Variants in CSMD2 observed in about 807,000 individuals in gnomAD.
CSMD2 encodes CUB and Sushi multiple domains 2, also known as CUB and sushi domain-containing protein 2.
In CSMD2, 130 loss-of-function variants were observed where a neutral mutation model predicts 398.5. The ratio of observed to expected loss-of-function variants is 0.33; its 90% CI spans 0.28 to 0.38. The LOEUF is 0.38. CSMD2 is among the 10% of genes least tolerant of loss of function. CSMD2 has a pLI of 1.00. For missense variants in CSMD2, 3,829 were observed against 4,764.9 expected, an observed-to-expected ratio of 0.80 and a Z score of 5.78; for synonymous variants, 1,828 against 1,908.5, an observed-to-expected ratio of 0.96 and a Z score of 1.10.
intron 44 of CSMD2, chr1:33,591,793 T>A (rs1320828112): frequency 1.4e-5 from 2 of 146,954 alleles, no homozygotes; most frequent in Non-Finnish European, 3.0e-5. Context: ...CCCAGCTAAT[T>A]TTTTTTTTTT....
At chr1:34,019,999 C>T (rs1648659222) in intron 3 of CSMD2, among the ~76,000 whole-genome samples, 1 of 152,178 alleles carries the variant, frequency 6.6e-6, no homozygotes, top group South Asian at 2.1e-4. Context: ...TAATGCAAAA[C>T]AACACAAAGC....
chr1:33,551,423 A>C (rs1657433799), intron 55 of CSMD2, among the ~76,000 whole-genome samples: 1 of 152,232 alleles, frequency 6.6e-6, no homozygotes. Flanking sequence ...GAGCTGTTGC[A>C]GTAGTTCAAG....
At position 33,724,252 on chromosome 1, in the gene CSMD2, G is replaced by A. The variant is rs993379888; in HGVS notation, c.2946C>T (p.Asp982=). Residue 982 remains aspartate (D), a synonymous_variant, in exon 19 of 71, where the codon GAC becomes GAT. Coordinates refer to ENST00000373381, the MANE Select transcript of CSMD2 (RefSeq NM_001281956.2). ...SGTILSPGFP[D]FYPNNLNCTW... is the part of the protein sequence containing the mutation. Reference sequence around the variant, plus strand: ...TGCAGTTCAAGTTGTTGGGGTAGAAGTCAGGGAACCCTGGCGACAAGATGG... The same window carrying A: ...TGCAGTTCAAGTTGTTGGGGTAGAAATCAGGGAACCCTGGCGACAAGATGG... The A allele has an allele frequency of 6.2e-7, 1 of 1,614,106 alleles. No homozygotes were observed. The highest frequency in any genetic ancestry group is 1.7e-5 in the Admixed American group (1 of 60,024).
intron 1 of CSMD2, among the ~76,000 whole-genome samples, chr1:34,105,660 T>A (rs1047047657): frequency 6.6e-6 from 1 of 152,130 alleles, no homozygotes; most frequent in Non-Finnish European, 1.5e-5. Flanking sequence ...GCAAAGGAAA[T>A]CAGCTAGATT....
intron 23 of CSMD2, among the ~76,000 whole-genome samples, chr1:33,700,294 A>G (rs983008687): frequency 3.3e-5 from 5 of 152,222 alleles, no homozygotes; most frequent in Non-Finnish European, 7.3e-5. Context: ...GGCATGAACC[A>G]CTGTGCCCGG....
chr1:33,597,815 T>A (rs1165120118), intron 44 of CSMD2, among the ~76,000 whole-genome samples: 1 of 152,216 alleles, frequency 6.6e-6, no homozygotes, highest in Admixed American at 6.5e-5. Context: ...TCTTATTGCT[T>A]GAAATGAAAC....
At position 33,636,665 on chromosome 1, in the gene CSMD2, C is replaced by G; in HGVS notation, c.4775-111G>C. 8.7e-6 allele frequency: 7 copies of G among 800,014 alleles called. No homozygotes were observed. In the South Asian group the frequency reaches 1.2e-4, roughly 14 times the overall value. 49.6% of individuals were successfully genotyped at this position (800,014 alleles called of 1,614,324 possible). On this transcript the variant is annotated intron_variant, in intron 29 of 70. Transcript: ENST00000373381. This position sits in a 1 kb window ranked among gnomAD's most constrained non-coding sequence, Gnocchi z 4.8. ...CCCGACTTTAATTAGCCACAGAGCACACGGGGATGCGTGACTGTGGCTCCT... is the reference window on the plus strand; with the variant it reads ...CCCGACTTTAATTAGCCACAGAGCAGACGGGGATGCGTGACTGTGGCTCCT...
intron 25 of CSMD2, among the ~76,000 whole-genome samples, chr1:33,672,685 C>T (rs564716172): frequency 7.9e-5 from 12 of 152,318 alleles, no homozygotes; most frequent in African/African-American, 2.2e-4. Flanking sequence ...CCCTGACCCC[C>T]GAGTAGCCTA....
intron 1 of CSMD2, among the ~76,000 whole-genome samples, chr1:34,148,784 T>C (rs1181594928): frequency 2.0e-5 from 3 of 152,220 alleles, no homozygotes; most frequent in African/African-American, 7.2e-5. Flanking sequence ...GTCGGCCTTA[T>C]TCTAAAGTCT....
chr1:33,855,207 A>G (rs1348131800), intron 5 of CSMD2, among the ~76,000 whole-genome samples: 1 of 152,192 alleles, frequency 6.6e-6, no homozygotes, highest in Non-Finnish European at 1.5e-5. Flanking sequence ...TATGAAGACC[A>G]GAAGCCTTTG....
At chr1:33,672,114 TGGGGA>T (rs1284402991) in intron 25 of CSMD2, among the ~76,000 whole-genome samples, 4 of 151,880 alleles carry the variant, frequency 2.6e-5, no homozygotes, top group African/African-American at 7.3e-5. Context: ...TTCATCTCAC[TGGGGA>T]GTGCCGGACA....
Position 33,832,162 on chromosome 1 carries a change from C to G in CSMD2, c.1034-6388G>C, listed in dbSNP as rs1015726865. 4.4e-5 allele frequency among the ~76,000 whole-genome samples: 6 copies of G among 136,062 alleles called. 1 individual carries two copies. Among genetic ancestry groups the G allele is most frequent in the Non-Finnish European group, 9.2e-5 (6 of 64,980 alleles). The allele number at this position is 136,062 out of a possible 152,430, so 89.3% of individuals were successfully genotyped here. A position where few individuals can be genotyped will look rare whatever the true frequency, so the allele number is the denominator to read the frequency against. The stretch of plus-strand genomic sequence containing the variant: ...GAACTCAGCTCTGCACCAAGTGGAC[C>G]TAATAGACATCTACAGAACTCTCCA... On this transcript the variant is annotated intron_variant, in intron 6 of 70. Transcript: ENST00000373381.
chr1:33,575,980 T>C (rs1660033330), intron 49 of CSMD2, among the ~76,000 whole-genome samples: 1 of 152,208 alleles, frequency 6.6e-6, no homozygotes, highest in Non-Finnish European at 1.5e-5. Flanking sequence ...AATGTTTTCT[T>C]CTTTTTTTAA....
intron 1 of CSMD2, among the ~76,000 whole-genome samples, chr1:34,100,965 T>C (rs566883901): frequency 6.6e-6 from 1 of 152,358 alleles, no homozygotes; most frequent in South Asian, 2.1e-4. Context: ...TAGAAAGGGT[T>C]AGAAGCCTGA....
At chr1:33,671,131 C>T (rs551632092) in intron 25 of CSMD2, among the ~76,000 whole-genome samples, 39 of 152,248 alleles carry the variant, frequency 2.6e-4, no homozygotes, top group African/African-American at 7.5e-4. Flanking sequence ...GACCTGAAGC[C>T]GTGGCTCAGG....
intron 10 of CSMD2, among the ~76,000 whole-genome samples, chr1:33,798,809 C>A (rs76033888): frequency 0.029 from 4,357 of 152,264 alleles, 195 homozygotes; most frequent in African/African-American, 0.098. Context: ...AGGACACCCA[C>A]TGGAGGCCCT....
At position 33,956,869 on chromosome 1, in the gene CSMD2, T is replaced by A. The variant is rs146267239; in HGVS notation, c.518-20915A>T. ...GTCTCTCCCCTGCTTAACACCCCCC[T>A]AAATCTTCTCATCTCCCTTTAAATA... On this transcript the variant is annotated intron_variant, in intron 3 of 70. Transcript: ENST00000373381. Among the ~76,000 whole-genome samples the A allele has an allele frequency of 6.5e-3, 993 of 152,048 alleles. 14 individuals are homozygous for A. The highest frequency in any genetic ancestry group is 0.022 in the African/African-American group (920 of 41,462).
chr1:33,768,378 C>T (rs1034751927), intron 13 of CSMD2, among the ~76,000 whole-genome samples: 3 of 151,898 alleles, frequency 2.0e-5, no homozygotes, highest in Admixed American at 2.0e-4. Flanking sequence ...TGTTAAATAT[C>T]CTATAATACA....
intron 25 of CSMD2, 148 bp downstream of exon 25, chr1:33,692,782 A>G: frequency 1.0e-6 from 1 of 971,730 alleles, no homozygotes; most frequent in Non-Finnish European, 1.5e-6. Flanking sequence ...AGATTTTCTA[A>G]GGCATCCAGT....
Sources: allele counts gnomAD v4.1 joint callset (sites outside exome capture counted in the v4.1 genomes callset), GRCh38; gene constraint gnomAD v4.1.1; non-coding constraint Gnocchi (gnomAD v3.1); transcripts MANE v1.5; gene names NCBI Gene and HGNC (gene_info 2026-07-23, HGNC 2026-07-21).